The following PHKB variants were observed in gnomAD, a reference collection of about 807,000 sequenced individuals.
PHKB encodes the protein phosphorylase kinase regulatory subunit beta, also known as phosphorylase b kinase regulatory subunit beta.
A neutral mutation model predicts 152.1 loss-of-function variants in PHKB; 122 were observed. That is an observed-to-expected ratio of 0.80 (90% CI 0.69 to 0.93). The LOEUF is 0.93. Among genes scored for constraint, PHKB ranks in the 40% least tolerant of loss-of-function variants. The pLI is 0.00. For synonymous variants in PHKB, 436 were observed against 464.9 expected, an observed-to-expected ratio of 0.94 and a Z score of 0.80; for missense variants, 1,304 against 1,328.4, an observed-to-expected ratio of 0.98 and a Z score of 0.29.
At chr16:47,646,572 T>TAAAAAAAAAAAAAAAAAAAAAAAAAAA (rs35849346) in intron 16 of PHKB, among the ~76,000 whole-genome samples, 1 of 107,736 alleles carries the variant, frequency 9.3e-6, no homozygotes, top group African/African-American at 3.3e-5. Flanking sequence ...AAAAAAATAA[T>TAAAAAAAAAAAAAAAAAAAAAAAAAAA]AAAAAAAAAA....
At position 47,693,470 on chromosome 16, in the gene PHKB, C is replaced by T. The variant is rs200836150; in HGVS notation, c.2858C>T (p.Pro953Leu). Residue 953 changes from proline to leucine, a missense_variant, in exon 28 of 31, where the codon CCC (proline) becomes CTC (leucine). By Grantham distance (98) the Pro-to-Leu change is moderately conservative. Transcript: ENST00000323584. ...DRVWQILERTPNGIIVAGKHL... is the reference protein window; with the variant it reads ...DRVWQILERTLNGIIVAGKHL... ...GTGTGGCAGATTCTGGAGCGCACGC[C>T]CAATGGGATCATTGTTGCTGGGAAG... The T allele has an allele frequency of 5.7e-4, 923 of 1,614,040 alleles. 11 individuals carry two copies. Among genetic ancestry groups the T allele is most frequent in the Non-Finnish European group, 7.2e-5 (85 of 1,179,984 alleles).
intron 13 of PHKB, among the ~76,000 whole-genome samples, chr16:47,603,472 T>TTTTAG (rs1972269120): frequency 1.3e-5 from 2 of 151,962 alleles, no homozygotes; most frequent in African/African-American, 4.8e-5. Flanking sequence ...GGGAAGACTT[T>TTTTAG]CTTTAGCTTT....
intron 29 of PHKB, among the ~76,000 whole-genome samples, chr16:47,698,085 T>G (rs903323033): frequency 6.6e-6 from 1 of 152,132 alleles, no homozygotes; most frequent in Admixed American, 6.5e-5. Context: ...CAGACAGTGT[T>G]TTGGTGTCTT....
At chr16:47,587,436 T>G (rs1211568630) in intron 8 of PHKB, among the ~76,000 whole-genome samples, 1 of 152,146 alleles carries the variant, frequency 6.6e-6, no homozygotes, top group Non-Finnish European at 1.5e-5. Context: ...TATAAGAAAG[T>G]CAAGGAAAAC....
intron 1 of PHKB, among the ~76,000 whole-genome samples, chr16:47,495,190 C>CTT (rs200655920): frequency 3.6e-5 from 5 of 137,394 alleles, no homozygotes; most frequent in African/African-American, 1.1e-4. Flanking sequence ...AACAGAACTC[C>CTT]TTTTTTTTTT....
At chr16:47,697,971 C>T (rs893388706) in intron 29 of PHKB, among the ~76,000 whole-genome samples, 2 of 152,148 alleles carry the variant, frequency 1.3e-5, no homozygotes, top group African/African-American at 4.8e-5. Flanking sequence ...GACTTATACT[C>T]ATTTGGGTCC....
chr16:47,638,791 A>G (rs1021650704), intron 14 of PHKB, among the ~76,000 whole-genome samples: 1 of 152,232 alleles, frequency 6.6e-6, no homozygotes, highest in Non-Finnish European at 1.5e-5. Context: ...TGAGCAACAA[A>G]TGCCTGTAAA....
intron 1 of PHKB, among the ~76,000 whole-genome samples, chr16:47,489,630 A>G (rs1970111919): frequency 1.3e-5 from 2 of 152,196 alleles, no homozygotes; most frequent in South Asian, 4.1e-4. Context: ...AGGTCCCAAG[A>G]TAAACTTGGA....
chr16:47,538,966 G>T (rs1732879457), intron 6 of PHKB, among the ~76,000 whole-genome samples: 1 of 152,176 alleles, frequency 6.6e-6, no homozygotes, highest in African/African-American at 2.4e-5. Flanking sequence ...GAAGGGTTTT[G>T]TGTTGAAGGG....
chr16:47,581,201 C>A (rs938458431), intron 8 of PHKB, among the ~76,000 whole-genome samples: 2 of 152,184 alleles, frequency 1.3e-5, no homozygotes, highest in Non-Finnish European at 2.9e-5. Context: ...ATAATACTAT[C>A]TACTCAAGTC....
chr16:47,632,678 A>C (rs1972847518), intron 14 of PHKB, among the ~76,000 whole-genome samples: 1 of 152,216 alleles, frequency 6.6e-6, no homozygotes, highest in Non-Finnish European at 1.5e-5. Flanking sequence ...TTTGAGCCTT[A>C]TGAATGAATT....
At chr16:47,635,656 A>G (rs1972905969) in intron 14 of PHKB, among the ~76,000 whole-genome samples, 1 of 152,210 alleles carries the variant, frequency 6.6e-6, no homozygotes. Context: ...GTGACAAGAT[A>G]GGACTTGTAG....
intron 24 of PHKB, chr16:47,664,057 G>A (rs1973492723): frequency 6.1e-6 from 2 of 326,738 alleles, no homozygotes; most frequent in African/African-American, 4.3e-5. Flanking sequence ...TAGGAAACCT[G>A]TTCTGCTATT....
chr16:47,645,696 G>T (rs986874188), intron 16 of PHKB, among the ~76,000 whole-genome samples: 4 of 151,660 alleles, frequency 2.6e-5, no homozygotes, highest in African/African-American at 9.7e-5. Context: ...TGGCGATGCG[G>T]GCTCTTTCAA....
chr16:47,610,785 A>G, intron 13 of PHKB, 41 bp from the exon 14 acceptor site: 1 of 1,095,738 alleles, frequency 9.1e-7, no homozygotes, highest in Non-Finnish European at 1.4e-6. Context: ...AGTGTTATGC[A>G]AATGCATTTT....
intron 6 of PHKB, among the ~76,000 whole-genome samples, chr16:47,541,275 C>G (rs993896333): frequency 6.6e-6 from 1 of 152,110 alleles, no homozygotes. Context: ...CAATAGTTTG[C>G]TGAGAATGAT....
At chr16:47,638,099 C>G (rs1972953730) in intron 14 of PHKB, among the ~76,000 whole-genome samples, 1 of 152,086 alleles carries the variant, frequency 6.6e-6, no homozygotes, top group Non-Finnish European at 1.5e-5. Context: ...GCTAAAATTT[C>G]AACCTGAATT....
chr16:47,542,090 G>A (rs1259473201), intron 6 of PHKB, among the ~76,000 whole-genome samples: 1 of 152,126 alleles, frequency 6.6e-6, no homozygotes, highest in Non-Finnish European at 1.5e-5. Context: ...GTCCTGAATG[G>A]TATTGCCTAG....
chr16:47,555,246 A>C (rs765671525), intron 7 of PHKB, among the ~76,000 whole-genome samples: 1 of 152,208 alleles, frequency 6.6e-6, no homozygotes, highest in South Asian at 2.1e-4. Flanking sequence ...TATCTTTGCC[A>C]TACTGAACAA....
Sources: gnomAD v4.1 joint callset for allele counts (sites outside exome capture counted in the v4.1 genomes callset) on GRCh38, gnomAD v4.1.1 for gene constraint, MANE v1.5 for transcripts, NCBI Gene and HGNC (gene_info 2026-07-23, HGNC 2026-07-21) for gene names.